TSPAN12: variants seen among roughly 807,000 people sequenced by gnomAD.
TSPAN12 encodes tetraspanin 12, also known as tetraspanin-12.
A neutral mutation model predicts 39.2 loss-of-function variants in TSPAN12; 19 were observed. That is an observed-to-expected ratio of 0.49 (90% CI 0.34 to 0.71). The LOEUF is 0.71. Ranked by LOEUF, TSPAN12 falls within the 30% of genes least tolerant of loss-of-function variation. The pLI is 0.01. For missense variants in TSPAN12, 314 were observed against 359.9 expected, an observed-to-expected ratio of 0.87 and a Z score of 1.03; for synonymous variants, 119 against 124.8, an observed-to-expected ratio of 0.95 and a Z score of 0.31.
At chr7:120,831,471 A>G (rs918659131) in intron 4 of TSPAN12, among the ~76,000 whole-genome samples, 2 of 152,058 alleles carry the variant, frequency 1.3e-5, no homozygotes, top group African/African-American at 4.8e-5. Context: ...CCCTAAAAAA[A>G]CAAGGAAATT....
intron 2 of TSPAN12, among the ~76,000 whole-genome samples, chr7:120,854,494 C>T (rs544905207): frequency 6.6e-6 from 1 of 152,326 alleles, no homozygotes; most frequent in South Asian, 2.1e-4. Flanking sequence ...CTCCTCACAA[C>T]TCTAAAAGAT....
intron 4 of TSPAN12, among the ~76,000 whole-genome samples, chr7:120,830,449 A>T (rs1015790417): frequency 1.3e-5 from 2 of 152,124 alleles, no homozygotes; most frequent in Non-Finnish European, 2.9e-5. Context: ...CTAAAAACAG[A>T]TATCAACCAA....
chr7:120,795,676 T>C (rs1040684103), intron 7 of TSPAN12, among the ~76,000 whole-genome samples: 7 of 152,220 alleles, frequency 4.6e-5, no homozygotes, highest in African/African-American at 1.7e-4. Context: ...AATAGCTATA[T>C]TGATTATCAG....
At chr7:120,802,116 C>T (rs1261650582) in intron 7 of TSPAN12, among the ~76,000 whole-genome samples, 1 of 152,150 alleles carries the variant, frequency 6.6e-6, no homozygotes, top group East Asian at 1.9e-4. Flanking sequence ...AAAAACTCAG[C>T]AGGTGAGAGA....
intron 4 of TSPAN12, among the ~76,000 whole-genome samples, chr7:120,819,204 G>C (rs1794140932): frequency 1.3e-5 from 2 of 152,070 alleles, no homozygotes; most frequent in South Asian, 4.1e-4. Flanking sequence ...ATAAAACATG[G>C]ACATGGATGA....
intron 7 of TSPAN12, among the ~76,000 whole-genome samples, chr7:120,799,447 T>C (rs1313956856): frequency 7.3e-6 from 1 of 137,248 alleles, no homozygotes; most frequent in Non-Finnish European, 1.5e-5. Context: ...ATAATTTAAT[T>C]TATATATAAT....
At chr7:120,850,808 G>C (rs376391922) in intron 2 of TSPAN12, among the ~76,000 whole-genome samples, 395 of 151,686 alleles carry the variant, frequency 2.6e-3, no homozygotes, top group Non-Finnish European at 4.7e-3. Flanking sequence ...TCCTGCCTCA[G>C]TCCCCCCAGT....
chr7:120,827,271 A>G (rs1392315214), intron 4 of TSPAN12, among the ~76,000 whole-genome samples: 1 of 152,196 alleles, frequency 6.6e-6, no homozygotes, highest in Non-Finnish European at 1.5e-5. Context: ...ATTTGTTAAA[A>G]AAGGGTATTA....
chr7:120,799,739 TTATA>T (rs536122868), intron 7 of TSPAN12, among the ~76,000 whole-genome samples: 1 of 130,214 alleles, frequency 7.7e-6, no homozygotes, highest in Non-Finnish European at 1.6e-5. Context: ...TTTCATTTAT[TTATA>T]TATATAATTT....
intron 7 of TSPAN12, among the ~76,000 whole-genome samples, chr7:120,799,801 A>C (rs1218168675): frequency 7.4e-6 from 1 of 136,028 alleles, no homozygotes; most frequent in South Asian, 2.1e-4. Flanking sequence ...AATATATTAA[A>C]TATTTATTAT....
At chr7:120,808,325 T>C (rs10266755) in intron 6 of TSPAN12, among the ~76,000 whole-genome samples, 91,857 of 152,048 alleles carry the variant, frequency 0.6, 29,393 homozygotes, top group Middle Eastern at 0.79. Context: ...TTGTATATAA[T>C]TGTCCTTCTT....
intron 7 of TSPAN12, among the ~76,000 whole-genome samples, chr7:120,790,497 A>G (rs1304609165): frequency 2.6e-5 from 4 of 152,218 alleles, no homozygotes; most frequent in Non-Finnish European, 5.9e-5. Flanking sequence ...ATTAGAAAGT[A>G]GAAAGATCAA....
chr7:120,836,242 T>C (rs1584946955), intron 4 of TSPAN12, among the ~76,000 whole-genome samples: 1 of 152,242 alleles, frequency 6.6e-6, no homozygotes. Context: ...TTGTGAGTGA[T>C]AGATACATGG....
chr7:120,853,152 G>A (rs1442219829), intron 2 of TSPAN12, among the ~76,000 whole-genome samples: 1 of 150,140 alleles, frequency 6.7e-6, no homozygotes, highest in East Asian at 1.9e-4. Context: ...GTAGTGCAGT[G>A]GGGCAATCTC....
chr7:120,812,833 T>C (rs1794007722), intron 5 of TSPAN12, among the ~76,000 whole-genome samples: 2 of 152,120 alleles, frequency 1.3e-5, no homozygotes, highest in African/African-American at 2.4e-5. Context: ...GAAACTCTTA[T>C]CACTGACAGA....
chr7:120,843,088 G>T (rs1794608778), intron 2 of TSPAN12, among the ~76,000 whole-genome samples: 1 of 151,768 alleles, frequency 6.6e-6, no homozygotes, highest in Non-Finnish European at 1.5e-5. Context: ...GACTGTCAAA[G>T]GAGTCAATGG....
Position 120,810,465 on chromosome 7 carries a change from C to A in TSPAN12, c.466G>T (p.Glu156Ter). 1.3e-6 allele frequency: 2 copies of A among 1,598,918 alleles called. No individual in the cohort carries two copies. Among genetic ancestry groups the A allele is most frequent in the South Asian group, 1.1e-5 (1 of 90,750 alleles). The change falls in exon 6 of 8, where the codon GAG (glutamate) becomes TAG (stop). Residue 156 changes from glutamate to a stop codon, truncating the protein, a stop_gained and splice_region_variant. Transcript: ENST00000222747. LOFTEE classifies it high-confidence loss of function. Reference sequence around the variant, plus strand: ...ACCTCAGAAATTGTAGCACTTACCTCTCTCTGAAAAAAATTCCAAGCATGA... The same window carrying A: ...ACCTCAGAAATTGTAGCACTTACCTATCTCTGAAAAAAATTCCAAGCATGA... The part of the protein sequence containing the change: ...LTHAWNFFQR[E>*]FKCCGVVYFT...
rs1794528738 is a variant in TSPAN12, at chr7:120,838,916, A to G, written c.150-4T>C. On this transcript the variant is annotated splice_polypyrimidine_tract_variant and splice_region_variant and intron_variant, in intron 3 of 7. Coordinates refer to ENST00000222747, the MANE Select transcript of TSPAN12 (RefSeq NM_012338.4). ...CAAAATGACTGCTTCCTCTACCCTG[A>G]AAGAAGAAAAATAATGTATTAGAAA... 1 of 1,613,834 alleles carries G rather than the reference A, an allele frequency of 6.2e-7. No homozygotes were observed. The highest frequency in any genetic ancestry group is 8.5e-7 in the Non-Finnish European group (1 of 1,179,844).
intron 2 of TSPAN12, among the ~76,000 whole-genome samples, chr7:120,848,985 A>G (rs1320226363): frequency 3.3e-5 from 5 of 152,174 alleles, no homozygotes; most frequent in Admixed American, 6.5e-5. Context: ...CTTGCTAAAC[A>G]TGTTATTTTC....
Sources: allele counts gnomAD v4.1 joint callset (sites outside exome capture counted in the v4.1 genomes callset), GRCh38; gene constraint gnomAD v4.1.1; transcripts MANE v1.5; gene names NCBI Gene and HGNC (gene_info 2026-07-23, HGNC 2026-07-21).